Variants in DYSF observed in about 807,000 individuals in gnomAD.
DYSF encodes dystrophy-associated fer-1-like 1.
In DYSF, 212 loss-of-function variants were observed where a neutral mutation model predicts 274.9. The observed-to-expected ratio is 0.77, with a 90% CI of 0.69 to 0.86. DYSF has a LOEUF of 0.86. Ranked by LOEUF, DYSF falls within the 40% of genes least tolerant of loss-of-function variation. The probability of loss-of-function intolerance (pLI) is 0.00; values close to 1 mark genes in which losing one functional copy is unlikely to be tolerated. For synonymous variants in DYSF, 1,091 were observed against 1,078.7 expected (o/e 1.01, Z -0.22); for missense variants, 2,666 against 2,783.2 (o/e 0.96, Z 0.95).
intron 40 of DYSF, among the ~76,000 whole-genome samples, chr2:71,618,697 G>C (rs1055456134): frequency 6.7e-6 from 1 of 149,952 alleles, no homozygotes; most frequent in Non-Finnish European, 1.5e-5. Flanking sequence ...GTGTGTGTGC[G>C]TGGTAGAGAT....
intron 4 of DYSF, among the ~76,000 whole-genome samples, chr2:71,509,742 T>C (rs2085882929): frequency 6.6e-6 from 1 of 152,160 alleles, no homozygotes; most frequent in South Asian, 2.1e-4. Context: ...TTCTGTGTCC[T>C]TTTGACATGT....
chr2:71,492,362 T>C (rs2083928101), intron 3 of DYSF, among the ~76,000 whole-genome samples: 1 of 152,222 alleles, frequency 6.6e-6, no homozygotes. Context: ...TTTCCTCCCC[T>C]GTATGGCATG....
At chr2:71,509,854 C>T (rs1164780511) in intron 4 of DYSF, among the ~76,000 whole-genome samples, 3 of 152,062 alleles carry the variant, frequency 2.0e-5, no homozygotes, top group Non-Finnish European at 2.9e-5. Flanking sequence ...CGACTCATTG[C>T]GACCTCTGCC....
rs140812535 is a variant in DYSF at position 71,667,419 on chromosome 2, G to C, written c.5361G>C (p.Glu1787Asp). 1 of 1,614,144 alleles carries C rather than the reference G, an allele frequency of 6.2e-7. No individual in the cohort carries two copies. Among genetic ancestry groups the C allele is most frequent in the Non-Finnish European group, 8.5e-7 (1 of 1,180,040 alleles). The change falls in exon 48 of 56, where the codon GAG (glutamate) becomes GAC (aspartate). Residue 1787 changes from glutamate to aspartate, a missense_variant. Physicochemically the swap from Glu to Asp is conservative, Grantham distance 45 (BLOSUM62 2). Around this residue, in one of 3 missense-constraint regions of DYSF, gnomAD observed 1,460 missense variants for 1,502.1 expected, o/e 0.97. Transcript: ENST00000410020. Reference protein sequence around the residue: ...IPNPHLGPVEERLALHVLQQQ... With the variant: ...IPNPHLGPVEDRLALHVLQQQ... ...ACCCACACCTGGGCCCAGTGGAGGA[G>C]CGTCTGGCTCTGCATGTGCTTCAGC...
intron 11 of DYSF, among the ~76,000 whole-genome samples, 198 bp downstream of exon 11, chr2:71,520,406 C>T (rs549703055): frequency 1.3e-5 from 2 of 152,272 alleles, no homozygotes; most frequent in South Asian, 2.1e-4. Context: ...CCTGTGTCTC[C>T]GTTGGCCCAT....
chr2:71,556,022 G>A lies in DYSF; in HGVS notation c.2167G>A (p.Val723Met), dbSNP rs182450244. ...GAAGGCGCAGTGCTCCACGGAGGACGTGGACTCGCTGGTGGCTCAGCTGAC... is the reference window on the plus strand; with the variant it reads ...GAAGGCGCAGTGCTCCACGGAGGACATGGACTCGCTGGTGGCTCAGCTGAC... The part of the protein sequence containing the change: ...ALKAQCSTED[V>M]DSLVAQLTDE... Residue 723 changes from valine (V) to methionine (M), a missense_variant, in exon 22 of 56, where the codon GTG becomes ATG. By Grantham distance (21) the Val-to-Met change is conservative (BLOSUM62 1). Transcript: ENST00000410020. The A allele has an allele frequency of 3.9e-5, 62 of 1,579,212 alleles. 1 individual carries two copies. The highest frequency in any genetic ancestry group is 2.4e-4 in the Admixed American group (13 of 53,924).
chr2:71,528,481 A>G (rs2088236739), intron 14 of DYSF, 80 bp downstream of exon 14: 6 of 1,214,046 alleles, frequency 4.9e-6, no homozygotes, highest in Non-Finnish European at 7.2e-6. Flanking sequence ...TGAGAGCAAG[A>G]CAGAGTGAGA....
chr2:71,660,651 A>G lies in DYSF; in HGVS notation c.5003A>G (p.Lys1668Arg). 6.2e-7 allele frequency: 1 copy of G among 1,613,658 alleles called. No homozygotes were observed. Among genetic ancestry groups the G allele is most frequent in the Non-Finnish European group, 8.5e-7 (1 of 1,179,586 alleles). ...IPCTLEPVFG[K>R]MFELTCTLPL... The stretch of plus-strand genomic sequence containing the variant: ...TGCACGCTGGAGCCCGTATTTGGAA[A>G]GTAAATTGGGGCATCTTGGGTCTTG... The change falls in exon 45 of 56, where the codon AAG (lysine) becomes AGG (arginine). Residue 1668 changes from lysine to arginine, a missense_variant and splice_region_variant. Physicochemically the swap from Lys to Arg is conservative, Grantham distance 26 (BLOSUM62 2). Transcript: ENST00000410020.
Position 71,551,625 on chromosome 2 carries a change from C to T in DYSF, c.1711C>T (p.Arg571Cys), listed in dbSNP as rs767415886. The change falls in exon 19 of 56, where the codon CGT (arginine) becomes TGT (cysteine). Residue 571 changes from arginine to cysteine, a missense_variant. Transcript: ENST00000410020. ...CTGGCAGGGGGAAGGTGTGGCTTAT[C>T]GTGGCCGGCTTCTGCTCTCCCTGGA... is the stretch of plus-strand genomic sequence containing the variant. ...NTGKGEGVAY[R>C]GRLLLSLETK... is the part of the protein sequence containing the mutation. 70 of 1,607,764 alleles carry T rather than the reference C, an allele frequency of 4.4e-5. No homozygotes were observed. Among genetic ancestry groups the T allele is most frequent in the Admixed American group, 5.1e-5 (3 of 59,028 alleles).
chr2:71,622,163 T>C (rs4852817), intron 41 of DYSF, among the ~76,000 whole-genome samples: 95,202 of 135,684 alleles, frequency 0.7, 35,676 homozygotes, highest in East Asian at 0.87. Context: ...CCCAGGTACA[T>C]CTGTTCAGGC....
At chr2:71,531,072 A>T (rs2088648697) in intron 14 of DYSF, among the ~76,000 whole-genome samples, 1 of 151,556 alleles carries the variant, frequency 6.6e-6, no homozygotes, top group East Asian at 1.9e-4. Flanking sequence ...AGGAAGATTT[A>T]AAACAACTTT....
chr2:71,553,026 C>A lies in DYSF; in HGVS notation c.1822C>A (p.Arg608Ser). The A allele has an allele frequency of 6.2e-7, 1 of 1,614,146 alleles. No homozygotes were observed. The highest frequency in any genetic ancestry group is 1.1e-5 in the South Asian group (1 of 91,078). The part of the protein sequence containing the change: ...ILRVEKYLRR[R>S]KYSLFAAFYS... Reference sequence around the variant, plus strand: ...CTGCTCTCAGAAGTACCTTAGGAGGCGCAAGTACTCCCTGTTTGCGGCCTT... The same window carrying A: ...CTGCTCTCAGAAGTACCTTAGGAGGAGCAAGTACTCCCTGTTTGCGGCCTT... The change falls in exon 20 of 56, where the codon CGC becomes AGC. Residue 608 changes from arginine to serine, a missense_variant. Arg to Ser is a moderately radical substitution (Grantham distance 110). Coordinates refer to ENST00000410020, the MANE Select transcript of DYSF (RefSeq NM_001130987.2).
chr2:71,636,723 A>G (rs1362205174), intron 41 of DYSF, among the ~76,000 whole-genome samples: 1 of 152,162 alleles, frequency 6.6e-6, no homozygotes, highest in Non-Finnish European at 1.5e-5. Context: ...CTATTTAAAG[A>G]GCTAAGACCC....
At chr2:71,648,320 AAG>A (rs2094599460) in intron 42 of DYSF, among the ~76,000 whole-genome samples, 1 of 152,192 alleles carries the variant, frequency 6.6e-6, no homozygotes. Context: ...TCAGGAAAGA[AAG>A]AGATGAAAAC....
intron 36 of DYSF, 104 bp from the exon 37 acceptor site, chr2:71,611,141 C>A: frequency 1.1e-6 from 1 of 877,284 alleles, no homozygotes; most frequent in Non-Finnish European, 1.9e-6. Flanking sequence ...TCTGTTTCTC[C>A]CTGCACTTGG....
chr2:71,630,073 T>A (rs1243808834), intron 41 of DYSF, among the ~76,000 whole-genome samples: 1 of 152,232 alleles, frequency 6.6e-6, no homozygotes, highest in Non-Finnish European at 1.5e-5. Flanking sequence ...ATATCTTCTT[T>A]TTTTTCCTTG....
chr2:71,524,765 C>A (rs760167154), intron 12 of DYSF, among the ~76,000 whole-genome samples: 1 of 152,266 alleles, frequency 6.6e-6, no homozygotes, highest in Non-Finnish European at 1.5e-5. Context: ...GTCTGGATGC[C>A]TCCACCTGTT....
rs1306216202 is a variant in DYSF, at chr2:71,620,534, G to A, written c.4465-13G>A. On this transcript the variant is annotated splice_polypyrimidine_tract_variant and intron_variant, in intron 40 of 55. Transcript: ENST00000410020. Reference sequence around the variant, plus strand: ...CTCTAATCCTGTTGCTAACCAGCATGTTTCATTTGTAGCTTGCAGACGGTC... The same window carrying A: ...CTCTAATCCTGTTGCTAACCAGCATATTTCATTTGTAGCTTGCAGACGGTC... 4 of 1,551,716 alleles carry A rather than the reference G, an allele frequency of 2.6e-6. No individual in the cohort carries two copies. Among genetic ancestry groups the A allele is most frequent in the Non-Finnish European group, 3.5e-6 (4 of 1,146,992 alleles).
At chr2:71,656,412 G>C in intron 43 of DYSF, 122 bp downstream of exon 43, 1 of 1,391,788 alleles carries the variant, frequency 7.2e-7, no homozygotes, top group South Asian at 1.2e-5. Context: ...TGACCACATG[G>C]GTAATGGAGG....
Sources: allele counts gnomAD v4.1 joint callset (sites outside exome capture counted in the v4.1 genomes callset), GRCh38; gene constraint gnomAD v4.1.1; regional missense constraint gnomAD v4.1.1; transcripts MANE v1.5; gene names NCBI Gene and HGNC (gene_info 2026-07-23, HGNC 2026-07-21).